Variants in SLC39A11 observed in about 807,000 individuals in gnomAD.
SLC39A11 encodes zinc transporter ZIP11.
Under a neutral mutation model 36.1 loss-of-function variants are expected in SLC39A11, and 33 were observed. That is an observed-to-expected ratio of 0.91 (90% CI 0.69 to 1.22). SLC39A11 has a LOEUF of 1.22. Ranked by LOEUF, SLC39A11 falls within the 50% of genes most tolerant of loss-of-function variation. The probability of loss-of-function intolerance (pLI) is 0.00; values close to 1 mark genes in which losing one functional copy is unlikely to be tolerated. For synonymous variants in SLC39A11, 166 were observed against 170.3 expected (o/e 0.97, Z 0.20); for missense variants, 432 against 430.3 (o/e 1.00, Z -0.03).
intron 5 of SLC39A11, among the ~76,000 whole-genome samples, chr17:72,909,861 T>C (rs1247604349): frequency 1.3e-5 from 2 of 151,812 alleles, no homozygotes; most frequent in Non-Finnish European, 2.9e-5. Context: ...TTCTCCTGCT[T>C]CAGCCTCCCG....
intron 5 of SLC39A11, among the ~76,000 whole-genome samples, chr17:72,941,836 A>C (rs2085121330): frequency 6.6e-6 from 1 of 151,786 alleles, no homozygotes; most frequent in South Asian, 2.1e-4. Flanking sequence ...TTTGTGCGGC[A>C]CATTTTAACG....
chr17:72,658,278 A>G (rs1446168096), intron 7 of SLC39A11, among the ~76,000 whole-genome samples: 2 of 152,184 alleles, frequency 1.3e-5, no homozygotes, highest in South Asian at 2.1e-4. Context: ...GCAGAGGCGG[A>G]CAGTCTGAGG....
intron 6 of SLC39A11, among the ~76,000 whole-genome samples, chr17:72,795,996 GACT>G (rs1431324547): frequency 6.6e-6 from 1 of 152,102 alleles, no homozygotes; most frequent in Non-Finnish European, 1.5e-5. Context: ...TATAGAAAAT[GACT>G]ACAACAAAGA....
At chr17:72,873,146 A>G (rs1046047804) in intron 5 of SLC39A11, among the ~76,000 whole-genome samples, 2 of 151,954 alleles carry the variant, frequency 1.3e-5, no homozygotes, top group African/African-American at 4.8e-5. Flanking sequence ...AGTTGCTCCT[A>G]TTCTTAACAT....
chr17:72,649,716 T>C (rs2069763691), intron 7 of SLC39A11, among the ~76,000 whole-genome samples: 1 of 150,290 alleles, frequency 6.7e-6, no homozygotes, highest in South Asian at 2.1e-4. Context: ...TGATCTCGGC[T>C]CACTGCAACC....
intron 6 of SLC39A11, among the ~76,000 whole-genome samples, chr17:72,817,547 A>C (rs1242181111): frequency 6.6e-6 from 1 of 152,168 alleles, no homozygotes; most frequent in Non-Finnish European, 1.5e-5. Flanking sequence ...AGAGCCAAAA[A>C]ACCCACATCC....
At chr17:73,006,245 T>A (rs2090174324) in intron 4 of SLC39A11, among the ~76,000 whole-genome samples, 1 of 152,180 alleles carries the variant, frequency 6.6e-6, no homozygotes. Context: ...TGAGCATACA[T>A]AATTTTCATC....
intron 6 of SLC39A11, among the ~76,000 whole-genome samples, chr17:72,829,868 A>C (rs2078202036): frequency 6.6e-6 from 1 of 151,574 alleles, no homozygotes; most frequent in Non-Finnish European, 1.5e-5. Flanking sequence ...TGAGCCCCCC[A>C]CTCAGCTGAA....
intron 7 of SLC39A11, among the ~76,000 whole-genome samples, chr17:72,722,080 A>G (rs756043618): frequency 3.8e-4 from 12 of 31,286 alleles, no homozygotes; most frequent in East Asian, 8.5e-4. Flanking sequence ...GTAGCCAAAG[A>G]AAAAAAAAAG....
intron 7 of SLC39A11, among the ~76,000 whole-genome samples, chr17:72,668,976 T>C (rs2070875714): frequency 1.3e-5 from 2 of 152,056 alleles, no homozygotes; most frequent in Non-Finnish European, 2.9e-5. Context: ...AATAAAACGA[T>C]ACAAGGGAAA....
At chr17:72,850,994 G>A (rs534058334) in intron 5 of SLC39A11, among the ~76,000 whole-genome samples, 1 of 152,148 alleles carries the variant, frequency 6.6e-6, no homozygotes, top group East Asian at 1.9e-4. Flanking sequence ...ATCACGTGAT[G>A]CGCGAGCAGC....
intron 7 of SLC39A11, among the ~76,000 whole-genome samples, chr17:72,679,092 G>T (rs533549448): frequency 1.3e-5 from 2 of 152,286 alleles, no homozygotes; most frequent in South Asian, 4.1e-4. Context: ...TGGTAGAGTA[G>T]AATGGTGGCT....
intron 7 of SLC39A11, among the ~76,000 whole-genome samples, chr17:72,693,525 A>G (rs2072134151): frequency 1.3e-5 from 2 of 152,206 alleles, no homozygotes; most frequent in African/African-American, 4.8e-5. Flanking sequence ...TAAACTGTCC[A>G]TTCCTTGGGC....
At chr17:72,682,159 C>T (rs552946785) in intron 7 of SLC39A11, among the ~76,000 whole-genome samples, 20 of 152,124 alleles carry the variant, frequency 1.3e-4, no homozygotes, top group Admixed American at 2.0e-4. Context: ...CTAGATGGGA[C>T]GGTCTAGTTG....
At chr17:73,058,207 A>G (rs2059732121) in intron 3 of SLC39A11, among the ~76,000 whole-genome samples, 1 of 152,156 alleles carries the variant, frequency 6.6e-6, no homozygotes, top group Non-Finnish European at 1.5e-5. Context: ...TTGGCAAATA[A>G]TACTATTTTG....
intron 4 of SLC39A11, among the ~76,000 whole-genome samples, chr17:73,002,173 C>A (rs2089859313): frequency 6.6e-6 from 1 of 152,174 alleles, no homozygotes; most frequent in Non-Finnish European, 1.5e-5. Flanking sequence ...AAACAATGAC[C>A]CGCCATTGCC....
At position 72,984,400 on chromosome 17, in the gene SLC39A11, A is replaced by G. The variant is rs181943144; in HGVS notation, c.307-36525T>C. 1.3e-4 allele frequency among the ~76,000 whole-genome samples: 20 copies of G among 152,262 alleles called. No homozygotes were observed. The East Asian group carries it at 3.9e-3, about 29-fold the overall frequency. ...ATTTAAAAAAAAAAAAAAAGAAAGA[A>G]AAGAAAAAGAAAATTCAAGAAATAA... On this transcript the variant is annotated intron_variant, in intron 4 of 9. Coordinates refer to ENST00000255559, the MANE Select transcript of SLC39A11 (RefSeq NM_139177.4).
chr17:72,999,395 G>A lies in SLC39A11; in HGVS notation c.306+32161C>T, dbSNP rs1169854008. 3.3e-5 allele frequency among the ~76,000 whole-genome samples: 5 copies of A among 152,306 alleles called. No individual in the cohort carries two copies. The East Asian group carries it at 9.6e-4, about 29-fold the overall frequency. On this transcript the variant is annotated intron_variant, in intron 4 of 9. Coordinates refer to ENST00000255559, the MANE Select transcript of SLC39A11 (RefSeq NM_139177.4). ...AATTAAAAACCAGACTGGGCTCAAA[G>A]AGGCCCTTTCAGTCCAGGAATCTCA...
At chr17:72,865,191 G>A (rs2080237321) in intron 5 of SLC39A11, among the ~76,000 whole-genome samples, 1 of 152,086 alleles carries the variant, frequency 6.6e-6, no homozygotes, top group African/African-American at 2.4e-5. Context: ...GGTGAATATG[G>A]GTCCCAGGAA....
Sources: gnomAD v4.1 joint callset for allele counts (sites outside exome capture counted in the v4.1 genomes callset) on GRCh38, gnomAD v4.1.1 for gene constraint, MANE v1.5 for transcripts, NCBI Gene and HGNC (gene_info 2026-07-23, HGNC 2026-07-21) for gene names.